The following STPG2 variants were observed in gnomAD, a reference collection of about 807,000 sequenced individuals.
The protein encoded by STPG2 is sperm tail PG-rich repeat containing 2, also known as sperm-tail PG-rich repeat-containing protein 2.
In STPG2, 56 loss-of-function variants were observed where a neutral mutation model predicts 54.2. That is an observed-to-expected ratio of 1.03 (90% confidence interval 0.83 to 1.29). The LOEUF (loss-of-function observed/expected upper bound fraction) is 1.29. Among genes scored for constraint, STPG2 ranks in the 50% most tolerant of loss-of-function variants. STPG2 has a pLI of 0.00. For synonymous variants in STPG2, 200 were observed against 181.8 expected (o/e 1.10, Z -0.81); for missense variants, 596 against 544.9 (o/e 1.09, Z -0.93).
intron 10 of STPG2, among the ~76,000 whole-genome samples, chr4:97,563,283 G>A (rs1732313290): frequency 6.6e-6 from 1 of 150,680 alleles, no homozygotes; most frequent in African/African-American, 2.5e-5. Context: ...GGGATCAGTG[G>A]TGATATCCCC....
intron 5 of STPG2, among the ~76,000 whole-genome samples, chr4:98,033,563 G>A (rs146293447): frequency 0.024 from 3,600 of 151,998 alleles, 89 homozygotes; most frequent in Middle Eastern, 0.065. Context: ...AAACTACTCC[G>A]AATGATAGAA....
chr4:97,556,429 T>C (rs899371169), downstream of STPG2, among the ~76,000 whole-genome samples: 2 of 152,208 alleles, frequency 1.3e-5, no homozygotes, highest in South Asian at 2.1e-4. Flanking sequence ...CACTTCACAA[T>C]ATTAGTGCAA....
chr4:97,532,578 T>C (rs900501245), intron 4 of STPG2, among the ~76,000 whole-genome samples: 28 of 152,204 alleles, frequency 1.8e-4, no homozygotes, highest in African/African-American at 5.8e-4. Flanking sequence ...AGTGGAAAGA[T>C]AGCTTCTTGA....
intron 9 of STPG2, among the ~76,000 whole-genome samples, chr4:97,794,221 T>C (rs984759972): frequency 6.6e-6 from 1 of 152,140 alleles, no homozygotes; most frequent in African/African-American, 2.4e-5. Flanking sequence ...ATTTTCAATA[T>C]CTTTGCATTT....
At chr4:98,024,387 T>A (rs1736343781) in intron 5 of STPG2, among the ~76,000 whole-genome samples, 1 of 152,210 alleles carries the variant, frequency 6.6e-6, no homozygotes, top group Non-Finnish European at 1.5e-5. Context: ...CTGGAACACC[T>A]ATTATTTACA....
intron 10 of STPG2, among the ~76,000 whole-genome samples, chr4:97,592,095 T>C (rs757912309): frequency 1.3e-5 from 2 of 152,238 alleles, no homozygotes; most frequent in South Asian, 2.1e-4. Context: ...GAAACAGTAA[T>C]TGGAAAGGGC....
chr4:97,527,213 T>C (rs1434233697), intron 4 of STPG2, among the ~76,000 whole-genome samples: 2 of 152,112 alleles, frequency 1.3e-5, no homozygotes, highest in East Asian at 1.9e-4. Flanking sequence ...TGTGTTCTCA[T>C]TGTTCAACTC....
At chr4:98,010,678 A>AT (rs1020404634) in intron 5 of STPG2, among the ~76,000 whole-genome samples, 4 of 151,664 alleles carry the variant, frequency 2.6e-5, no homozygotes, top group South Asian at 4.2e-4. Context: ...TATTTTGCTG[A>AT]TTTTTTTCTG....
Position 98,106,082 on chromosome 4 carries a change from AGAAATT to A in STPG2, c.501-24_501-19del, listed in dbSNP as rs780265923. 3 of 1,364,700 alleles carry A rather than the reference AGAAATT, an allele frequency of 2.2e-6. No homozygotes were observed. The highest frequency in any genetic ancestry group is 3.0e-6 in the Non-Finnish European group (3 of 1,008,652). 84.5% of individuals were successfully genotyped at this position (1,364,700 alleles called of 1,614,324 possible). A position where few individuals can be genotyped will look rare whatever the true frequency, so the allele number is the denominator to read the frequency against. On this transcript the variant is annotated intron_variant, in intron 4 of 10. Coordinates refer to ENST00000295268, the MANE Select transcript of STPG2 (RefSeq NM_174952.3). ...TCTTTTTCCTTCAGAAAATTCAAAT[AGAAATT>A]AAGAATTCTCAATTTTAAACCTATA...
chr4:97,675,791 A>G lies in STPG2; in HGVS notation c.1320+36908T>C, dbSNP rs147239009. Among the ~76,000 whole-genome samples, 748 of 151,680 alleles carry G rather than the reference A, an allele frequency of 4.9e-3. 3 individuals are homozygous for G. Among genetic ancestry groups the G allele is most frequent in the Non-Finnish European group, 7.9e-3 (535 of 67,944 alleles). On this transcript the variant is annotated intron_variant, in intron 10 of 10. Coordinates refer to ENST00000295268, the MANE Select transcript of STPG2 (RefSeq NM_174952.3). Reference sequence around the variant, plus strand: ...AAGACAGCATTTATCAGACTTTCTTATAGTTGGAGTTCTGGAATAGGGTCC... The same window carrying G: ...AAGACAGCATTTATCAGACTTTCTTGTAGTTGGAGTTCTGGAATAGGGTCC...
chr4:97,883,217 A>T (rs1395482260), intron 8 of STPG2, among the ~76,000 whole-genome samples: 7 of 151,304 alleles, frequency 4.6e-5, no homozygotes, highest in Admixed American at 4.6e-4. Flanking sequence ...ACACACATAC[A>T]TATATGTATA....
intron 9 of STPG2, among the ~76,000 whole-genome samples, chr4:97,768,664 C>T (rs1726129919): frequency 6.6e-6 from 1 of 151,594 alleles, no homozygotes; most frequent in African/African-American, 2.4e-5. Context: ...TGCACATTCT[C>T]ATAGACTGGC....
chr4:98,081,042 G>A (rs1253156435), intron 5 of STPG2, among the ~76,000 whole-genome samples: 1 of 152,112 alleles, frequency 6.6e-6, no homozygotes, highest in Non-Finnish European at 1.5e-5. Flanking sequence ...CAAAGCTGCT[G>A]CCCTCTACCA....
chr4:97,619,069 C>T (rs76120836), intron 10 of STPG2, among the ~76,000 whole-genome samples: 101 of 152,264 alleles, frequency 6.6e-4, no homozygotes, highest in Middle Eastern at 3.4e-3. Context: ...ATTACAGATG[C>T]TCCTTCTCAT....
At chr4:98,130,938 AACAAAAAAAAAAC>A (rs761432393) in intron 2 of STPG2, among the ~76,000 whole-genome samples, 9,962 of 144,802 alleles carry the variant, frequency 0.069, 838 homozygotes, top group African/African-American at 0.092. Context: ...AAAAAAAAAA[AACAAAAAAAAAAC>A]GACTTTCCAA....
chr4:98,006,672 C>T (rs1735584085), intron 5 of STPG2, among the ~76,000 whole-genome samples: 1 of 152,110 alleles, frequency 6.6e-6, no homozygotes, highest in South Asian at 2.1e-4. Context: ...CTTCACAGGA[C>T]AAGAACAGGA....
At chr4:97,964,597 A>C (rs1036385031) in intron 7 of STPG2, among the ~76,000 whole-genome samples, 1 of 152,182 alleles carries the variant, frequency 6.6e-6, no homozygotes, top group Non-Finnish European at 1.5e-5. Flanking sequence ...AATTATAAGA[A>C]TCCCACAAAT....
intron 8 of STPG2, among the ~76,000 whole-genome samples, chr4:97,876,740 TC>T (rs1170876336): frequency 6.6e-6 from 1 of 152,082 alleles, no homozygotes; most frequent in Admixed American, 6.5e-5. Flanking sequence ...TATCATTTTT[TC>T]TTGGTATTTC....
At chr4:97,896,092 T>C (rs1359386377) in intron 8 of STPG2, among the ~76,000 whole-genome samples, 1 of 151,824 alleles carries the variant, frequency 6.6e-6, no homozygotes, top group Admixed American at 6.6e-5. Flanking sequence ...TTCCTCATGA[T>C]AGTATAATGG....
Sources: allele counts gnomAD v4.1 joint callset (sites outside exome capture counted in the v4.1 genomes callset), GRCh38; gene constraint gnomAD v4.1.1; transcripts MANE v1.5; gene names NCBI Gene and HGNC (gene_info 2026-07-23, HGNC 2026-07-21).